KIAA0825: variants seen among roughly 807,000 people sequenced by gnomAD.
KIAA0825 encodes KIAA0825.
In KIAA0825, 119 loss-of-function variants were observed where a neutral mutation model predicts 147.6. That is an observed-to-expected ratio of 0.81 (90% CI 0.69 to 0.94). The LOEUF (loss-of-function observed/expected upper bound fraction) is 0.94, where lower values mean the gene tolerates loss of function less well. Among genes scored for constraint, KIAA0825 ranks in the 40% least tolerant of loss-of-function variants. The pLI is 0.00. For missense variants in KIAA0825, 1,381 were observed against 1,472.7 expected (o/e 0.94, Z 1.02); for synonymous variants, 470 against 518.1 (o/e 0.91, Z 1.26).
At position 94,153,951 on chromosome 5, in the gene KIAA0825, C is replaced by G. The variant is rs1562284852; in HGVS notation, c.*56G>C. ...TTCATTCTGACTATGGTAAAAAATC[C>G]TACTCCATTACATGGGATTGTTTCC... is the stretch of plus-strand genomic sequence containing the variant. On this transcript the variant is annotated 3_prime_UTR_variant, in exon 21 of 21. Coordinates refer to ENST00000682413, the MANE Select transcript of KIAA0825 (RefSeq NM_001145678.3). 8.1e-7 allele frequency: 1 copy of G among 1,231,996 alleles called. No individual in the cohort carries two copies. The highest frequency in any genetic ancestry group is 2.5e-5 in the East Asian group (1 of 39,372). The allele number at this position is 1,231,996 out of a possible 1,614,324, so 76.3% of individuals were successfully genotyped here. A position where few individuals can be genotyped will look rare whatever the true frequency, so the allele number is the denominator to read the frequency against.
At chr5:94,277,195 CAG>C (rs777432002) in intron 20 of KIAA0825, among the ~76,000 whole-genome samples, 7 of 152,028 alleles carry the variant, frequency 4.6e-5, no homozygotes, top group Non-Finnish European at 7.4e-5. Flanking sequence ...AGAAATAAAA[CAG>C]AGTACTGAAT....
At chr5:94,564,220 T>TG (rs1778134667) in intron 2 of KIAA0825, among the ~76,000 whole-genome samples, 1 of 149,280 alleles carries the variant, frequency 6.7e-6, no homozygotes, top group Non-Finnish European at 1.5e-5. Flanking sequence ...CCTTGTTTTT[T>TG]TTTTTTTTTT....
chr5:94,216,360 A>G (rs1742779249), intron 20 of KIAA0825, among the ~76,000 whole-genome samples: 1 of 152,176 alleles, frequency 6.6e-6, no homozygotes, highest in Middle Eastern at 3.2e-3. Flanking sequence ...AGGGAGTAGT[A>G]GTGGGAATAG....
chr5:94,555,254 T>C (rs145352905), intron 2 of KIAA0825, among the ~76,000 whole-genome samples: 1 of 152,140 alleles, frequency 6.6e-6, no homozygotes, highest in East Asian at 1.9e-4. Context: ...CTCCAGTGGA[T>C]CTTAATTTGT....
chr5:94,499,763 C>T (rs913318607), intron 5 of KIAA0825, among the ~76,000 whole-genome samples: 1 of 152,124 alleles, frequency 6.6e-6, no homozygotes, highest in Non-Finnish European at 1.5e-5. Context: ...TAAGAAGATA[C>T]TCATTGAACT....
intron 3 of KIAA0825, among the ~76,000 whole-genome samples, chr5:94,535,609 G>T (rs1409640300): frequency 1.3e-5 from 2 of 150,844 alleles, no homozygotes; most frequent in Admixed American, 6.6e-5. Flanking sequence ...CCTTTTGTCA[G>T]CTTTGTGACC....
intron 5 of KIAA0825, among the ~76,000 whole-genome samples, chr5:94,493,946 C>T (rs1584674977): frequency 6.6e-6 from 1 of 152,026 alleles, no homozygotes. Context: ...ACTGAAAGGC[C>T]CCACGTGACA....
intron 18 of KIAA0825, 90 bp downstream of exon 18, chr5:94,391,445 A>G: frequency 7.8e-7 from 1 of 1,280,240 alleles, no homozygotes; most frequent in East Asian, 2.5e-5. Flanking sequence ...AAGAAGTATT[A>G]TCACCTCCTT....
At chr5:94,335,445 T>A (rs955417248) in intron 20 of KIAA0825, among the ~76,000 whole-genome samples, 3 of 152,128 alleles carry the variant, frequency 2.0e-5, no homozygotes, top group Non-Finnish European at 4.4e-5. Flanking sequence ...TTCTCATATT[T>A]TCAGTGTATT....
chr5:94,369,764 A>G (rs1285625194), intron 20 of KIAA0825, among the ~76,000 whole-genome samples: 2 of 152,206 alleles, frequency 1.3e-5, no homozygotes, highest in Admixed American at 6.5e-5. Context: ...ACACGATCTC[A>G]TTTCAGAATA....
At chr5:94,597,047 T>C (rs377028969) in intron 1 of KIAA0825, among the ~76,000 whole-genome samples, 2 of 152,218 alleles carry the variant, frequency 1.3e-5, no homozygotes, top group South Asian at 4.1e-4. Flanking sequence ...ACTTCCTCTC[T>C]TCCTATTTGG....
intron 20 of KIAA0825, among the ~76,000 whole-genome samples, chr5:94,217,602 CT>C (rs933999513): frequency 3.3e-5 from 5 of 152,172 alleles, no homozygotes; most frequent in African/African-American, 1.2e-4. Context: ...TTAAATTTTG[CT>C]TTCTGAAAAT....
At chr5:94,589,089 C>A (rs114602014) in intron 1 of KIAA0825, among the ~76,000 whole-genome samples, 8 of 152,074 alleles carry the variant, frequency 5.3e-5, no homozygotes, top group Admixed American at 5.2e-4. Context: ...CAAACCAACA[C>A]GGCACAGGTA....
At chr5:94,299,448 T>A (rs1778285815) in intron 20 of KIAA0825, among the ~76,000 whole-genome samples, 1 of 151,946 alleles carries the variant, frequency 6.6e-6, no homozygotes, top group Non-Finnish European at 1.5e-5. Flanking sequence ...TTCGAACTCC[T>A]GGGCTCAAGT....
chr5:94,524,077 C>T lies in KIAA0825; in HGVS notation c.153G>A (p.Glu51=). 1 of 1,606,972 alleles carries T rather than the reference C, an allele frequency of 6.2e-7. No homozygotes were observed. The highest frequency in any genetic ancestry group is 8.5e-7 in the Non-Finnish European group (1 of 1,175,950). Reference sequence around the variant, plus strand: ...ATTGTTTGTTAATTTCGGACTGTATCTCTTTAATGCAATGTTTTATGCTAT... The same window carrying T: ...ATTGTTTGTTAATTTCGGACTGTATTTCTTTAATGCAATGTTTTATGCTAT... ...NAASIKHCIK[E]IQSEINKQCP... is the part of the protein sequence containing the mutation. Residue 51 remains glutamate (E), a synonymous_variant, in exon 4 of 21, where the codon GAG becomes GAA. Coordinates refer to ENST00000682413, the MANE Select transcript of KIAA0825 (RefSeq NM_001145678.3).
chr5:94,203,481 T>C (rs1771880054), intron 20 of KIAA0825, among the ~76,000 whole-genome samples: 1 of 152,214 alleles, frequency 6.6e-6, no homozygotes, highest in Non-Finnish European at 1.5e-5. Flanking sequence ...TCACTGTGAA[T>C]GATCATCTTT....
intron 20 of KIAA0825, among the ~76,000 whole-genome samples, chr5:94,338,882 T>C (rs537257265): frequency 8.9e-4 from 136 of 152,264 alleles, no homozygotes; most frequent in Admixed American, 3.5e-3. Flanking sequence ...AAATATGAAA[T>C]AGGAAAGTCC....
At chr5:94,196,892 A>T (rs982166290) in intron 20 of KIAA0825, among the ~76,000 whole-genome samples, 1 of 152,024 alleles carries the variant, frequency 6.6e-6, no homozygotes, top group African/African-American at 2.4e-5. Context: ...GATTGATTCC[A>T]TGTCTTTGCT....
chr5:94,437,973 G>A (rs1756586890), intron 14 of KIAA0825, among the ~76,000 whole-genome samples: 1 of 152,120 alleles, frequency 6.6e-6, no homozygotes, highest in Admixed American at 6.6e-5. Flanking sequence ...AGCTTAAGGA[G>A]GAATACAAAA....
Sources: gnomAD v4.1 joint callset for allele counts (sites outside exome capture counted in the v4.1 genomes callset) on GRCh38, gnomAD v4.1.1 for gene constraint, MANE v1.5 for transcripts, NCBI Gene and HGNC (gene_info 2026-07-23, HGNC 2026-07-21) for gene names.